Variants in CACNA1H observed in about 807,000 individuals in gnomAD.
CACNA1H encodes voltage-dependent T-type calcium channel subunit alpha-1H.
Under a neutral mutation model 192.5 loss-of-function variants are expected in CACNA1H, and 149 were observed. That is an observed-to-expected ratio of 0.77 (90% CI 0.68 to 0.89). The LOEUF is 0.89. Among genes scored for constraint, CACNA1H ranks in the 40% least tolerant of loss-of-function variants. The pLI, the probability that CACNA1H is intolerant of heterozygous loss-of-function variation, is 0.00. For synonymous variants in CACNA1H, 2,202 were observed against 1,475.2 expected, an observed-to-expected ratio of 1.49 and a Z score of -11.29; for missense variants, 4,257 against 3,423.5, an observed-to-expected ratio of 1.24 and a Z score of -6.08.
Position 1,169,163 on chromosome 16 carries a change from G to A in CACNA1H, c.299+15127G>A, listed in dbSNP as rs994461449. 4.7e-5 allele frequency among the ~76,000 whole-genome samples: 7 copies of A among 148,138 alleles called. No individual in the cohort carries two copies. The South Asian group carries it at 6.5e-4, about 14-fold the overall frequency. On this transcript the variant is annotated intron_variant, in intron 2 of 34. Transcript: ENST00000348261. ...TGGCAGCGGCCAGTCTTCCTGCGGC[G>A]GGGTGGGGGTGGGGGTGGGGGTGGG... is the stretch of plus-strand genomic sequence containing the variant.
chr16:1,170,950 C>G (rs1162941247), intron 2 of CACNA1H, among the ~76,000 whole-genome samples: 1 of 152,080 alleles, frequency 6.6e-6, no homozygotes, highest in African/African-American at 2.4e-5. Context: ...GTCTGGGGGC[C>G]TTCTGCTCCC....
At chr16:1,197,971 C>G (rs951706426) in intron 5 of CACNA1H, among the ~76,000 whole-genome samples, 3 of 152,156 alleles carry the variant, frequency 2.0e-5, no homozygotes, top group Non-Finnish European at 4.4e-5. Context: ...TTCAGTGCTA[C>G]CTCCTGAAAA....
Position 1,208,979 on chromosome 16 carries a change from C to T in CACNA1H, c.3364-53C>T, listed in dbSNP as rs1381328163. On this transcript the variant is annotated intron_variant, in intron 16 of 34. Coordinates refer to ENST00000348261, the MANE Select transcript of CACNA1H (RefSeq NM_021098.3). ...CACAGTGGGTGCTCCGTAATGACAGCGGTCGGTGCTAATAGTGATGCCACC... is the reference window on the plus strand; with the variant it reads ...CACAGTGGGTGCTCCGTAATGACAGTGGTCGGTGCTAATAGTGATGCCACC... The T allele has an allele frequency of 5.6e-5, 79 of 1,401,680 alleles. 1 individual carries two copies. In the South Asian group the frequency reaches 7.9e-4, roughly 14 times the overall value. 86.8% of individuals were successfully genotyped at this position (1,401,680 alleles called of 1,614,324 possible).
intron 17 of CACNA1H, among the ~76,000 whole-genome samples, chr16:1,209,694 C>G (rs528568512): frequency 9.8e-5 from 15 of 152,290 alleles, no homozygotes; most frequent in African/African-American, 3.4e-4. Context: ...AGCCACTGGC[C>G]GAGAGCTGCT....
chr16:1,170,762 C>G (rs879433444), intron 2 of CACNA1H, among the ~76,000 whole-genome samples: 6 of 152,120 alleles, frequency 3.9e-5, no homozygotes, highest in Admixed American at 3.9e-4. Context: ...GAGGAAGAGG[C>G]CAGGAGACCA....
rs967765384 is a variant in CACNA1H at position 1,209,939 on chromosome 16, G to C, written c.3745-96G>C. 6 of 877,384 alleles carry C rather than the reference G, an allele frequency of 6.8e-6. No individual in the cohort carries two copies. In the African/African-American group the frequency reaches 1.0e-4, roughly 15 times the overall value. The allele number at this position is 877,384 out of a possible 1,614,324, so 54.3% of individuals were successfully genotyped here. ...AGTGAGGATGGAGAAGGCTGAGAAG[G>C]TGCTGGGAGGGGTGGCCGAGCTGAG... On this transcript the variant is annotated intron_variant, in intron 17 of 34. Transcript: ENST00000348261.
chr16:1,203,353 A>G (rs912841771), intron 9 of CACNA1H, among the ~76,000 whole-genome samples: 2 of 152,296 alleles, frequency 1.3e-5, no homozygotes, highest in African/African-American at 2.4e-5. Context: ...CCCGTAGCTA[A>G]CTTCGCCTGT....
intron 5 of CACNA1H, among the ~76,000 whole-genome samples, chr16:1,197,532 T>C (rs950676124): frequency 6.6e-6 from 1 of 152,222 alleles, no homozygotes; most frequent in African/African-American, 2.4e-5. Context: ...GACTGGATAA[T>C]ACGCTTCTCA....
intron 2 of CACNA1H, among the ~76,000 whole-genome samples, chr16:1,162,980 C>T (rs536016481): frequency 6.6e-6 from 1 of 152,368 alleles, no homozygotes; most frequent in African/African-American, 2.4e-5. Context: ...TCCTTGGCTC[C>T]AGCCTCAAAG....
rs538923520 is a variant in CACNA1H at position 1,204,160 on chromosome 16, A to C, written c.2153A>C (p.Glu718Ala). 784 of 1,612,288 alleles carry C rather than the reference A, an allele frequency of 4.9e-4. 14 individuals are homozygous for C. In the South Asian group the frequency reaches 8.3e-3, roughly 17 times the overall value. Residue 718 changes from glutamate (E) to alanine (A), a missense_variant, in exon 10 of 35, where the codon GAA becomes GCA. Coordinates refer to ENST00000348261, the MANE Select transcript of CACNA1H (RefSeq NM_021098.3). ...EDPEGELSGSESGDSDGRGVY... is the reference protein window; with the variant it reads ...EDPEGELSGSASGDSDGRGVY... ...CCGGAGGGTGAGCTCAGCGGCTCGGAAAGTGGAGACTCAGATGGCCGTGGC... is the reference window on the plus strand; with the variant it reads ...CCGGAGGGTGAGCTCAGCGGCTCGGCAAGTGGAGACTCAGATGGCCGTGGC...
intron 22 of CACNA1H, 59 bp from the exon 23 acceptor site, chr16:1,211,422 G>T: frequency 6.2e-7 from 1 of 1,609,622 alleles, no homozygotes; most frequent in South Asian, 1.1e-5. Flanking sequence ...GCCCCAGGAA[G>T]TCCGGTGTGG....
In CACNA1H at chr16:1,201,746, G is replaced by A; in HGVS notation, c.1296G>A (p.Leu432=). ...FSETKQRESQ[L]MREQRARHLS... is the part of the protein sequence containing the mutation. ...AGACGAAGCAGCGGGAGAGTCAGCT[G>A]ATGCGGGAGCAGCGGGCACGCCACC... Residue 432 remains leucine, a synonymous_variant, in exon 9 of 35, where the codon CTG becomes CTA. Coordinates refer to ENST00000348261, the MANE Select transcript of CACNA1H (RefSeq NM_021098.3). The A allele has an allele frequency of 6.2e-7, 1 of 1,610,140 alleles. No homozygotes were observed. Among genetic ancestry groups the A allele is most frequent in the Non-Finnish European group, 8.5e-7 (1 of 1,178,962 alleles).
chr16:1,165,281 G>C (rs1963642334), intron 2 of CACNA1H, among the ~76,000 whole-genome samples: 1 of 152,212 alleles, frequency 6.6e-6, no homozygotes, highest in Admixed American at 6.5e-5. Flanking sequence ...AATGGCTTCA[G>C]CGGGCCTGGG....
chr16:1,190,026 G>A (rs960885880), intron 2 of CACNA1H, among the ~76,000 whole-genome samples: 2 of 152,232 alleles, frequency 1.3e-5, no homozygotes, highest in Non-Finnish European at 1.5e-5. Context: ...TTGGTCCAGG[G>A]AGATGAAGGA....
At chr16:1,184,821 G>A (rs1379879252) in intron 2 of CACNA1H, among the ~76,000 whole-genome samples, 1 of 152,258 alleles carries the variant, frequency 6.6e-6, no homozygotes, top group Non-Finnish European at 1.5e-5. Context: ...AAGGGAAGCT[G>A]CCATTTAAAG....
Position 1,182,336 on chromosome 16 carries a change from G to A in CACNA1H, c.300-12636G>A, listed in dbSNP as rs568901817. Among the ~76,000 whole-genome samples, 4 of 152,274 alleles carry A rather than the reference G, an allele frequency of 2.6e-5. No individual in the cohort carries two copies. In the South Asian group the frequency reaches 8.3e-4, roughly 32 times the overall value. ...GCTCAGGGAGGAGCTCTGTTGAGAT[G>A]GAATGTTCCGGCAGCCGGGAGTGAG... On this transcript the variant is annotated intron_variant, in intron 2 of 34. Coordinates refer to ENST00000348261, the MANE Select transcript of CACNA1H (RefSeq NM_021098.3).
Position 1,201,553 on chromosome 16 carries a change from A to C in CACNA1H, c.1213-110A>C, listed in dbSNP as rs1005545176. ...CTGCCCATAGCAGGGCACCTCGCCC[A>C]CTGTGCCTGTGACGCGGCCCCCACT... On this transcript the variant is annotated intron_variant, in intron 8 of 34. Coordinates refer to ENST00000348261, the MANE Select transcript of CACNA1H (RefSeq NM_021098.3). 15 of 1,330,604 alleles carry C rather than the reference A, an allele frequency of 1.1e-5. No individual in the cohort carries two copies. In the East Asian group the frequency reaches 3.3e-4, roughly 29 times the overall value. 82.4% of individuals were successfully genotyped at this position (1,330,604 alleles called of 1,614,324 possible).
intron 2 of CACNA1H, among the ~76,000 whole-genome samples, chr16:1,169,794 C>T (rs1182123522): frequency 3.3e-5 from 5 of 152,254 alleles, no homozygotes; most frequent in Non-Finnish European, 4.4e-5. Flanking sequence ...GGTCCCTGGC[C>T]CCTGGCCCCA....
rs8044363 is a variant in CACNA1H at position 1,200,559 on chromosome 16, T to C, written c.1107T>C (p.Ile369=). 0.42 allele frequency: 683,277 copies of C among 1,611,322 alleles called. 150,941 individuals are homozygous for C. The highest frequency in any genetic ancestry group is 0.49 in the African/African-American group (36,709 of 74,908). The change falls in exon 7 of 35, where the codon ATT becomes ATC. Residue 369 remains isoleucine, a synonymous_variant. Transcript: ENST00000348261. ...INFDNIGYAW[I]AIFQVITLEG... ...TCGACAACATCGGCTACGCCTGGAT[T>C]GCCATCTTCCAGGTGGGCGGCAAGA... is the stretch of plus-strand genomic sequence containing the variant.
Sources: allele counts gnomAD v4.1 joint callset (sites outside exome capture counted in the v4.1 genomes callset), GRCh38; gene constraint gnomAD v4.1.1; transcripts MANE v1.5; gene names NCBI Gene and HGNC (gene_info 2026-07-23, HGNC 2026-07-21).